NDUFAF6: variants seen among roughly 807,000 people sequenced by gnomAD.
NDUFAF6 encodes the protein NADH:ubiquinone oxidoreductase complex assembly factor 6.
In NDUFAF6, 45 loss-of-function variants were observed where a neutral mutation model predicts 40.8. The ratio of observed to expected loss-of-function variants is 1.10; its 90% CI spans 0.87 to 1.42. The LOEUF (loss-of-function observed/expected upper bound fraction) is 1.42, where lower values mean the gene tolerates loss of function less well. Ranked by LOEUF, NDUFAF6 falls within the 40% of genes most tolerant of loss-of-function variation. NDUFAF6 has a pLI of 0.00. For missense variants in NDUFAF6, 435 were observed against 418.5 expected (o/e 1.04, Z -0.34); for synonymous variants, 185 against 155.9 (o/e 1.19, Z -1.39).
At chr8:95,000,661 C>G (rs959825292) in intron 2 of NDUFAF6, among the ~76,000 whole-genome samples, 3 of 149,216 alleles carry the variant, frequency 2.0e-5, no homozygotes, top group Admixed American at 6.7e-5. Context: ...TCTGGCTGGG[C>G]GTCGTGGCTT....
intron 2 of NDUFAF6, among the ~76,000 whole-genome samples, chr8:94,952,831 G>T (rs551415018): frequency 1.3e-5 from 2 of 152,274 alleles, no homozygotes; most frequent in South Asian, 4.1e-4. Flanking sequence ...AAATAAAAAG[G>T]GTCTGTGTGC....
At chr8:94,920,894 C>G (rs961459377) in intron 1 of NDUFAF6, among the ~76,000 whole-genome samples, 3 of 152,220 alleles carry the variant, frequency 2.0e-5, no homozygotes, top group Non-Finnish European at 4.4e-5. Flanking sequence ...TTTTAGCTGC[C>G]TATTAGGACC....
At chr8:95,030,437 G>A (rs1474736420) in intron 1 of NDUFAF6, among the ~76,000 whole-genome samples, 1 of 152,052 alleles carries the variant, frequency 6.6e-6, no homozygotes, top group Non-Finnish European at 1.5e-5. Flanking sequence ...GTCTCACTGT[G>A]TTGTCCAGGC....
At chr8:95,014,335 G>A (rs1827351015) in intron 2 of NDUFAF6, among the ~76,000 whole-genome samples, 1 of 152,352 alleles carries the variant, frequency 6.6e-6, no homozygotes. Flanking sequence ...AGAGGGAACA[G>A]CACATGTGAA....
In NDUFAF6 at chr8:95,109,283, G is replaced by A. The variant is rs182199166; in HGVS notation, n.345-6253G>A. Among the ~76,000 whole-genome samples the A allele has an allele frequency of 4.6e-5, 7 of 152,266 alleles. No individual in the cohort carries two copies. In the South Asian group the frequency reaches 6.2e-4, roughly 14 times the overall value. ...ATGTACAGGCATGTCCTTTTATAAC[G>A]TTTTTAGAATTCACAAAACAAAATA... On this transcript the variant is annotated intron_variant and non_coding_transcript_variant, in intron 4 of 5. Coordinates refer to the NDUFAF6 transcript ENST00000523184.
At chr8:94,946,969 T>A (rs1193665798) in intron 2 of NDUFAF6, among the ~76,000 whole-genome samples, 1 of 152,156 alleles carries the variant, frequency 6.6e-6, no homozygotes, top group African/African-American at 2.4e-5. Context: ...AGTTTCTTTA[T>A]CCATAAAATG....
At chr8:95,105,064 C>CAG (rs1809785771), downstream of NDUFAF6, among the ~76,000 whole-genome samples, 19 of 105,810 alleles carry the variant, frequency 1.8e-4, no homozygotes, top group Non-Finnish European at 3.4e-4. Flanking sequence ...CACACACACA[C>CAG]ACAGAGAGAG....
At chr8:94,980,770 A>G (rs142939491) in intron 1 of NDUFAF6, 105 of 328,466 alleles carry the variant, frequency 3.2e-4, no homozygotes, top group Middle Eastern at 2.0e-3. Flanking sequence ...ACTTTAATGA[A>G]TAAGGCATAA....
intron 4 of NDUFAF6, among the ~76,000 whole-genome samples, chr8:95,110,989 C>G (rs899344227): frequency 2.6e-5 from 4 of 152,220 alleles, no homozygotes; most frequent in African/African-American, 9.6e-5. Context: ...GCTGATCCCC[C>G]TCCTTGGAGG....
chr8:95,046,562 T>A (rs1830795222), intron 5 of NDUFAF6, among the ~76,000 whole-genome samples: 1 of 152,142 alleles, frequency 6.6e-6, no homozygotes, highest in African/African-American at 2.4e-5. Context: ...CCCCATTGCA[T>A]CTCCCAGGCC....
Position 95,052,911 on chromosome 8 carries a change from C to G in NDUFAF6, c.873+681C>G, listed in dbSNP as rs768601507. Among the ~76,000 whole-genome samples, 7 of 152,138 alleles carry G rather than the reference C, an allele frequency of 4.6e-5. No homozygotes were observed. In the South Asian group the frequency reaches 1.2e-3, roughly 27 times the overall value. ...GATAATTGCTACCAGTTACTTAGAA[C>G]CTTTTATGAGACAGGGCTTGGGTTA... On this transcript the variant is annotated intron_variant, in intron 8 of 8. Coordinates refer to ENST00000396124, the MANE Select transcript of NDUFAF6 (RefSeq NM_152416.4).
At chr8:95,062,859 G>A (rs1382621157), downstream of NDUFAF6, among the ~76,000 whole-genome samples, 2 of 152,190 alleles carry the variant, frequency 1.3e-5, no homozygotes, top group African/African-American at 4.8e-5. Flanking sequence ...GAATGAACAT[G>A]CTGTAGTATA....
intron 2 of NDUFAF6, among the ~76,000 whole-genome samples, chr8:95,000,068 A>T (rs1826649691): frequency 1.3e-5 from 2 of 151,296 alleles, no homozygotes; most frequent in African/African-American, 4.9e-5. Flanking sequence ...AAAGAAGCTT[A>T]GCTGGGTGCG....
intron 1 of NDUFAF6, among the ~76,000 whole-genome samples, chr8:94,976,672 TAA>T (rs59800856): frequency 0.65 from 96,057 of 148,324 alleles, 31,707 homozygotes; most frequent in East Asian, 0.79. Context: ...AGACTTCATC[TAA>T]AAAAAAAAAA....
chr8:95,010,239 C>G (rs1457616150), intron 2 of NDUFAF6, among the ~76,000 whole-genome samples: 1 of 152,152 alleles, frequency 6.6e-6, no homozygotes, highest in Non-Finnish European at 1.5e-5. Context: ...CAGGCGTGTG[C>G]TGCCATGCCC....
chr8:95,058,647 AAG>A lies in NDUFAF6; in HGVS notation c.*711_*712del, dbSNP rs1321021924. ...GATCGTGAACAAAATTGTACTGAGAAAGTTTGTATAAGTGATATGAACGGTAT... is the reference window on the plus strand; with the variant it reads ...GATCGTGAACAAAATTGTACTGAGAATTTGTATAAGTGATATGAACGGTAT... On this transcript the variant is annotated 3_prime_UTR_variant, in exon 9 of 9. Transcript: ENST00000396124. 9.2e-7 allele frequency: 1 copy of A among 1,086,156 alleles called. No individual in the cohort carries two copies. Among genetic ancestry groups the A allele is most frequent in the Non-Finnish European group, 1.1e-6 (1 of 896,590 alleles). The allele number at this position is 1,086,156 out of a possible 1,614,324, so 67.3% of individuals were successfully genotyped here.
intron 1 of NDUFAF6, among the ~76,000 whole-genome samples, chr8:94,964,685 G>C (rs1823868238): frequency 6.6e-6 from 1 of 152,098 alleles, no homozygotes; most frequent in African/African-American, 2.4e-5. Flanking sequence ...TGCACTAATA[G>C]AATGAGAACT....
At chr8:95,056,122 T>A (rs1832095005) in intron 8 of NDUFAF6, among the ~76,000 whole-genome samples, 2 of 152,248 alleles carry the variant, frequency 1.3e-5, no homozygotes, top group Non-Finnish European at 2.9e-5. Flanking sequence ...TTCTGAGATT[T>A]GTACATATTA....
At chr8:94,907,048 T>G (rs1453939752) in intron 1 of NDUFAF6, among the ~76,000 whole-genome samples, 1 of 152,212 alleles carries the variant, frequency 6.6e-6, no homozygotes, top group Non-Finnish European at 1.5e-5. Flanking sequence ...GACTACCAAG[T>G]CCTTCATGAA....
Sources: gnomAD v4.1 joint callset for allele counts (sites outside exome capture counted in the v4.1 genomes callset) on GRCh38, gnomAD v4.1.1 for gene constraint, MANE v1.5 for transcripts, NCBI Gene and HGNC (gene_info 2026-07-23, HGNC 2026-07-21) for gene names.